ZZEF1: variants seen among roughly 807,000 people sequenced by gnomAD.
ZZEF1 encodes the protein zinc finger ZZ-type and EF-hand domain containing 1.
A neutral mutation model predicts 342.8 loss-of-function variants in ZZEF1; 157 were observed. The ratio of observed to expected loss-of-function variants is 0.46; its 90% CI spans 0.40 to 0.52. ZZEF1 has a LOEUF of 0.52. Among genes scored for constraint, ZZEF1 ranks in the 20% least tolerant of loss-of-function variants. The pLI is 0.00. For missense variants in ZZEF1, 3,480 were observed against 3,725.6 expected, an observed-to-expected ratio of 0.93 and a Z score of 1.72; for synonymous variants, 1,505 against 1,429.1, an observed-to-expected ratio of 1.05 and a Z score of -1.20.
At chr17:4,108,133 T>C (rs2058241157) in intron 6 of ZZEF1, among the ~76,000 whole-genome samples, 1 of 152,178 alleles carries the variant, frequency 6.6e-6, no homozygotes, top group South Asian at 2.1e-4. Flanking sequence ...TATTTATTAA[T>C]TATGAAGTGA....
intron 44 of ZZEF1, chr17:4,022,494 C>T (rs1230507734): frequency 1.8e-6 from 1 of 545,478 alleles, no homozygotes; most frequent in Non-Finnish European, 3.2e-6. Flanking sequence ...TTCCACTGTT[C>T]TTTGAACAAA....
chr17:4,107,857 G>A (rs562073564), intron 6 of ZZEF1, among the ~76,000 whole-genome samples: 5 of 152,298 alleles, frequency 3.3e-5, no homozygotes, highest in East Asian at 1.9e-4. Flanking sequence ...CAGAAAAATG[G>A]CTGATTCCAG....
chr17:4,111,941 GA>G (rs1275950422), intron 5 of ZZEF1, among the ~76,000 whole-genome samples: 1 of 142,942 alleles, frequency 7.0e-6, no homozygotes, highest in African/African-American at 2.5e-5. Context: ...ACTGAGGCAG[GA>G]AGACTGCTTG....
In ZZEF1 at chr17:4,114,443, G is replaced by C; in HGVS notation, c.722C>G (p.Pro241Arg). 1.9e-6 allele frequency: 3 copies of C among 1,593,430 alleles called. No individual in the cohort carries two copies. The highest frequency in any genetic ancestry group is 2.6e-6 in the Non-Finnish European group (3 of 1,170,010). Residue 241 changes from proline (P) to arginine (R), a missense_variant, in exon 4 of 55, where the codon CCA (proline) becomes CGA (arginine). Transcript: ENST00000381638. ...TACTGACTTGAGTTTATCCATCTCT[G>C]GACTTCTAGTTAGATCTCCAGGGCT... ...KESPGDLTRSPEMDKLKSVAK... is the reference protein window; with the variant it reads ...KESPGDLTRSREMDKLKSVAK...
intron 37 of ZZEF1, among the ~76,000 whole-genome samples, chr17:4,044,815 C>T (rs149530777): frequency 2.0e-3 from 301 of 152,170 alleles, no homozygotes; most frequent in African/African-American, 6.9e-3. Context: ...CCAGGCCTCG[C>T]CTATGCCACT....
At chr17:4,009,027 C>G in intron 53 of ZZEF1, 73 bp from the exon 54 acceptor site, 1 of 1,486,140 alleles carries the variant, frequency 6.7e-7, no homozygotes, top group Non-Finnish European at 9.1e-7. Flanking sequence ...CCACCTGGGA[C>G]ACCTGCTTGC....
intron 39 of ZZEF1, among the ~76,000 whole-genome samples, chr17:4,041,354 C>T (rs1411519516): frequency 6.6e-6 from 1 of 152,118 alleles, no homozygotes; most frequent in African/African-American, 2.4e-5. Context: ...TATAAATCAG[C>T]CTCAACTCCC....
intron 53 of ZZEF1, 123 bp from the exon 54 acceptor site, chr17:4,009,077 G>A (rs560518551): frequency 1.1e-4 from 129 of 1,190,490 alleles, no homozygotes; most frequent in East Asian, 7.5e-4. Flanking sequence ...TACTCACGCC[G>A]CCCAGCACCG....
At chr17:4,105,633 TAAC>T (rs2058198252) in intron 7 of ZZEF1, 57 bp downstream of exon 7, 13 of 1,255,946 alleles carry the variant, frequency 1.0e-5, no homozygotes, top group Admixed American at 2.2e-5. Context: ...TTTAAAGACT[TAAC>T]AAGCATACGT....
In ZZEF1 at chr17:4,032,142, A is replaced by G; in HGVS notation, c.6876T>C (p.Thr2292=). ...GCATGGTACCTGTTTTCCTCTTCCGAGTTTTGACATCAACAATCACAGCCC... is the reference window on the plus strand; with the variant it reads ...GCATGGTACCTGTTTTCCTCTTCCGGGTTTTGACATCAACAATCACAGCCC... ...KNRAVIVDVK[T]RKRKTVKDYQ... Residue 2292 remains threonine (T), a synonymous_variant, in exon 42 of 55, where the codon ACT becomes ACC. Transcript: ENST00000381638. 2 of 1,610,842 alleles carry G rather than the reference A, an allele frequency of 1.2e-6. No individual in the cohort carries two copies. The highest frequency in any genetic ancestry group is 1.7e-6 in the Non-Finnish European group (2 of 1,179,166).
At chr17:4,043,439 A>C (rs1161498366) in intron 38 of ZZEF1, among the ~76,000 whole-genome samples, 2 of 152,238 alleles carry the variant, frequency 1.3e-5, no homozygotes, top group African/African-American at 4.8e-5. Flanking sequence ...TAGAGAGGGC[A>C]GAAGGCCAGG....
intron 39 of ZZEF1, among the ~76,000 whole-genome samples, chr17:4,036,501 G>A (rs905433651): frequency 2.2e-4 from 33 of 152,036 alleles, no homozygotes; most frequent in Non-Finnish European, 1.0e-4. Flanking sequence ...TTGGGAGGCC[G>A]AGGTGGGTGG....
chr17:4,035,864 C>T (rs1017997061), intron 39 of ZZEF1, among the ~76,000 whole-genome samples: 3 of 152,024 alleles, frequency 2.0e-5, no homozygotes, highest in African/African-American at 7.2e-5. Context: ...CTTTGGGAGG[C>T]CAAGGCAGGG....
chr17:4,098,426 A>G (rs1256734571), intron 9 of ZZEF1, among the ~76,000 whole-genome samples: 1 of 152,140 alleles, frequency 6.6e-6, no homozygotes, highest in African/African-American at 2.4e-5. Context: ...GAATGAATGA[A>G]TGAATAAATA....
At chr17:4,142,439 T>A (rs1406372458) in intron 1 of ZZEF1, 103 bp downstream of exon 1, 21 of 1,240,358 alleles carry the variant, frequency 1.7e-5, no homozygotes, top group Non-Finnish European at 2.3e-5. Context: ...ACACCTCATA[T>A]GGGTCCCCGC....
At chr17:4,059,427 A>G in intron 30 of ZZEF1, 137 bp from the exon 31 acceptor site, 2 of 1,052,172 alleles carry the variant, frequency 1.9e-6, no homozygotes, top group Non-Finnish European at 2.7e-6. Context: ...GTAAATACAA[A>G]TATAATACCT....
At position 4,088,722 on chromosome 17, in the gene ZZEF1, G is replaced by A; in HGVS notation, c.2197C>T (p.Leu733Phe). ...TGGATAAACTGAAGGGTCCTGAGGAGCAACGTGGCCCCACAGACACTCTCC... is the reference window on the plus strand; with the variant it reads ...TGGATAAACTGAAGGGTCCTGAGGAACAACGTGGCCCCACAGACACTCTCC... ...TEESVCGATLLLRTLQFIQQL... is the reference protein window; with the variant it reads ...TEESVCGATLFLRTLQFIQQL... Residue 733 changes from leucine to phenylalanine, a missense_variant, in exon 13 of 55, where the codon CTC becomes TTC. Transcript: ENST00000381638. 6.2e-7 allele frequency: 1 copy of A among 1,614,204 alleles called. No homozygotes were observed. The highest frequency in any genetic ancestry group is 8.5e-7 in the Non-Finnish European group (1 of 1,180,042).
chr17:4,019,190 G>T (rs1260418727), intron 46 of ZZEF1, among the ~76,000 whole-genome samples: 1 of 152,088 alleles, frequency 6.6e-6, no homozygotes, highest in Non-Finnish European at 1.5e-5. Flanking sequence ...CAATGAGTAA[G>T]AAGTCAAAAT....
At chr17:4,078,351 G>C (rs1424340791) in intron 18 of ZZEF1, among the ~76,000 whole-genome samples, 2 of 151,830 alleles carry the variant, frequency 1.3e-5, no homozygotes, top group Non-Finnish European at 2.9e-5. Flanking sequence ...CCTTTCTCTG[G>C]CTCCTTCCCT....
Sources: gnomAD v4.1 joint callset for allele counts (sites outside exome capture counted in the v4.1 genomes callset) on GRCh38, gnomAD v4.1.1 for gene constraint, MANE v1.5 for transcripts, NCBI Gene and HGNC (gene_info 2026-07-23, HGNC 2026-07-21) for gene names.